RALGAPA2: variants seen among roughly 807,000 people sequenced by gnomAD.
RALGAPA2 encodes ral GTPase-activating protein subunit alpha-2.
In RALGAPA2, 139 loss-of-function variants were observed where a neutral mutation model predicts 230.4. The ratio of observed to expected loss-of-function variants is 0.60; its 90% CI spans 0.53 to 0.69. RALGAPA2 has a LOEUF of 0.69. Ranked by LOEUF, RALGAPA2 falls within the 30% of genes least tolerant of loss-of-function variation. The probability of loss-of-function intolerance (pLI) is 0.00; values close to 1 mark genes in which losing one functional copy is unlikely to be tolerated. For synonymous variants in RALGAPA2, 847 were observed against 837.8 expected, an observed-to-expected ratio of 1.01 and a Z score of -0.19; for missense variants, 2,163 against 2,276.0, an observed-to-expected ratio of 0.95 and a Z score of 1.01.
chr20:20,574,775 T>C (rs2064766734), intron 20 of RALGAPA2, among the ~76,000 whole-genome samples: 1 of 152,186 alleles, frequency 6.6e-6, no homozygotes, highest in South Asian at 2.1e-4. Context: ...CTCTATTTGC[T>C]TCCATGACCA....
At chr20:20,510,849 G>C (rs988578684) in intron 33 of RALGAPA2, among the ~76,000 whole-genome samples, 1 of 152,142 alleles carries the variant, frequency 6.6e-6, no homozygotes, top group African/African-American at 2.4e-5. Flanking sequence ...GAATGTTAGC[G>C]CCTTGATACA....
chr20:20,412,928 T>C (rs1157789186), intron 37 of RALGAPA2, among the ~76,000 whole-genome samples: 1 of 152,200 alleles, frequency 6.6e-6, no homozygotes, highest in Non-Finnish European at 1.5e-5. Context: ...AATCTTCCCC[T>C]TTTGTGTGTG....
At chr20:20,551,071 C>T (rs1190183507) in intron 23 of RALGAPA2, among the ~76,000 whole-genome samples, 1 of 152,148 alleles carries the variant, frequency 6.6e-6, no homozygotes, top group East Asian at 1.9e-4. Context: ...CAAAGCTTTA[C>T]GGCAATTAGC....
chr20:20,400,090 C>T lies in RALGAPA2; in HGVS notation c.5618-3356G>A, dbSNP rs572321605. ...ACAGAGTGGGAGATCAGAGAGCTGT[C>T]TGGGCTATTCAGACCCCTTGGAATG... On this transcript the variant is annotated intron_variant, in intron 38 of 39. Coordinates refer to ENST00000202677, the MANE Select transcript of RALGAPA2 (RefSeq NM_020343.4). 1.3e-3 allele frequency among the ~76,000 whole-genome samples: 198 copies of T among 152,328 alleles called. 1 individual carries two copies. Among genetic ancestry groups the T allele is most frequent in the Admixed American group, 6.5e-4 (10 of 15,306 alleles).
At chr20:20,476,889 G>A (rs1414841736) in intron 36 of RALGAPA2, among the ~76,000 whole-genome samples, 3 of 151,976 alleles carry the variant, frequency 2.0e-5, no homozygotes, top group Non-Finnish European at 2.9e-5. Context: ...CCACAGTAAC[G>A]AAAATGAACA....
At chr20:20,690,595 C>T (rs1038499856) in intron 1 of RALGAPA2, among the ~76,000 whole-genome samples, 2 of 151,202 alleles carry the variant, frequency 1.3e-5, no homozygotes, top group Non-Finnish European at 2.9e-5. Flanking sequence ...TCCAATAAAG[C>T]TCACCAAATT....
intron 35 of RALGAPA2, among the ~76,000 whole-genome samples, chr20:20,501,465 A>T (rs1008865765): frequency 1.3e-5 from 2 of 152,222 alleles, no homozygotes; most frequent in Admixed American, 6.5e-5. Flanking sequence ...TTTCTTCTGC[A>T]GCTTCCTCAC....
chr20:20,677,919 TA>T (rs1412985624), intron 2 of RALGAPA2, among the ~76,000 whole-genome samples: 1 of 152,016 alleles, frequency 6.6e-6, no homozygotes, highest in East Asian at 1.9e-4. Flanking sequence ...GTGCTGGGAT[TA>T]CAGGTGTGAG....
intron 36 of RALGAPA2, among the ~76,000 whole-genome samples, chr20:20,492,271 T>C (rs913670030): frequency 4.6e-5 from 7 of 152,010 alleles, no homozygotes; most frequent in African/African-American, 1.7e-4. Flanking sequence ...CAGAGAACAG[T>C]AAAATAAATG....
chr20:20,462,879 G>A (rs1249721835), intron 37 of RALGAPA2, among the ~76,000 whole-genome samples: 2 of 152,188 alleles, frequency 1.3e-5, no homozygotes, highest in Non-Finnish European at 2.9e-5. Context: ...ATAACAGAAA[G>A]TCTCACTTTC....
chr20:20,537,398 T>G (rs1380979373), intron 24 of RALGAPA2, among the ~76,000 whole-genome samples: 1 of 152,034 alleles, frequency 6.6e-6, no homozygotes, highest in Non-Finnish European at 1.5e-5. Flanking sequence ...GGCGGGTGGA[T>G]CACCTGAAGT....
chr20:20,651,242 G>C (rs1335808174), intron 4 of RALGAPA2, among the ~76,000 whole-genome samples: 2 of 152,164 alleles, frequency 1.3e-5, no homozygotes, highest in Non-Finnish European at 2.9e-5. Flanking sequence ...GATCACTGTA[G>C]AAGCGATGTG....
At chr20:20,593,751 G>A (rs991653916) in intron 16 of RALGAPA2, among the ~76,000 whole-genome samples, 2 of 152,210 alleles carry the variant, frequency 1.3e-5, no homozygotes, top group African/African-American at 4.8e-5. Context: ...GCAAATAAGA[G>A]CTGAGCCAAC....
At chr20:20,504,490 G>A (rs1292847075) in intron 34 of RALGAPA2, among the ~76,000 whole-genome samples, 5 of 152,148 alleles carry the variant, frequency 3.3e-5, no homozygotes, top group Admixed American at 6.5e-5. Context: ...TTGGGAGGCC[G>A]AGGCAGGTGA....
intron 27 of RALGAPA2, among the ~76,000 whole-genome samples, chr20:20,526,584 G>A (rs1383019572): frequency 2.0e-5 from 3 of 151,982 alleles, no homozygotes; most frequent in African/African-American, 4.8e-5. Flanking sequence ...TTTACATAAC[G>A]TTCTACAGGA....
chr20:20,640,908 A>C, intron 5 of RALGAPA2, 30 bp from the exon 6 acceptor site: 1 of 1,550,428 alleles, frequency 6.4e-7, no homozygotes, highest in Non-Finnish European at 8.9e-7. Flanking sequence ...AATGAAAATG[A>C]AACACATGTA....
intron 24 of RALGAPA2, among the ~76,000 whole-genome samples, chr20:20,539,189 G>T (rs937464132): frequency 6.6e-6 from 1 of 152,082 alleles, no homozygotes; most frequent in Non-Finnish European, 1.5e-5. Context: ...CGAGCCATCT[G>T]TGCATCTTCC....
At chr20:20,683,424 C>T (rs1029388241) in intron 1 of RALGAPA2, among the ~76,000 whole-genome samples, 3 of 152,228 alleles carry the variant, frequency 2.0e-5, no homozygotes, top group African/African-American at 4.8e-5. Flanking sequence ...GGGCAAGGCC[C>T]TGCCTGATTT....
At chr20:20,563,806 A>G (rs559012653) in intron 23 of RALGAPA2, among the ~76,000 whole-genome samples, 1 of 152,150 alleles carries the variant, frequency 6.6e-6, no homozygotes, top group Admixed American at 6.5e-5. Flanking sequence ...CCTCTCCAAC[A>G]TATTTCTCAC....
Sources: gnomAD v4.1 joint callset for allele counts (sites outside exome capture counted in the v4.1 genomes callset) on GRCh38, gnomAD v4.1.1 for gene constraint, MANE v1.5 for transcripts, NCBI Gene and HGNC (gene_info 2026-07-23, HGNC 2026-07-21) for gene names.